The following DNAH9 variants were observed in gnomAD, a reference collection of about 807,000 sequenced individuals.
The protein encoded by DNAH9 is dynein axonemal heavy chain 9.
Under a neutral mutation model 471.6 loss-of-function variants are expected in DNAH9, and 345 were observed. That is an observed-to-expected ratio of 0.73 (90% CI 0.67 to 0.80). The LOEUF (loss-of-function observed/expected upper bound fraction) is 0.80, where lower values mean the gene tolerates loss of function less well. DNAH9 is among the 30% of genes least tolerant of loss of function. The pLI, the probability that DNAH9 is intolerant of heterozygous loss-of-function variation, is 0.00. For synonymous variants in DNAH9, 2,093 were observed against 2,123.6 expected (o/e 0.99, Z 0.40); for missense variants, 5,407 against 5,609.2 (o/e 0.96, Z 1.15).
intron 26 of DNAH9, among the ~76,000 whole-genome samples, chr17:11,718,776 A>C (rs2075007335): frequency 6.6e-6 from 1 of 152,208 alleles, no homozygotes; most frequent in East Asian, 1.9e-4. Context: ...GATATATACA[A>C]CATATGTCAC....
intron 49 of DNAH9, among the ~76,000 whole-genome samples, chr17:11,849,543 G>A (rs1971339572): frequency 6.6e-6 from 1 of 152,190 alleles, no homozygotes; most frequent in Non-Finnish European, 1.5e-5. Context: ...AGCCAAGCTT[G>A]CTTCTGCCAC....
At chr17:11,627,955 A>G (rs898774628) in intron 6 of DNAH9, among the ~76,000 whole-genome samples, 3 of 152,148 alleles carry the variant, frequency 2.0e-5, no homozygotes, top group Non-Finnish European at 4.4e-5. Flanking sequence ...TGGGTCACCC[A>G]TAGCAGCAGC....
chr17:11,798,195 G>A (rs1259631201), intron 43 of DNAH9, among the ~76,000 whole-genome samples: 1 of 152,046 alleles, frequency 6.6e-6, no homozygotes, highest in Non-Finnish European at 1.5e-5. Context: ...GCACTTTGGA[G>A]GCCGAGGCGG....
intron 49 of DNAH9, among the ~76,000 whole-genome samples, chr17:11,841,131 A>T (rs1421728716): frequency 1.3e-5 from 2 of 152,300 alleles, no homozygotes; most frequent in African/African-American, 2.4e-5. Flanking sequence ...GTTTTACTCA[A>T]TGAAATGACT....
intron 17 of DNAH9, among the ~76,000 whole-genome samples, chr17:11,671,247 C>G (rs1294385596): frequency 6.6e-6 from 1 of 152,184 alleles, no homozygotes; most frequent in Non-Finnish European, 1.5e-5. Flanking sequence ...CACAGCAAGG[C>G]TACAGAGCAG....
intron 22 of DNAH9, among the ~76,000 whole-genome samples, chr17:11,695,572 CCTG>C (rs2074461909): frequency 6.6e-6 from 1 of 152,106 alleles, no homozygotes; most frequent in East Asian, 1.9e-4. Context: ...ACAGAAGAAA[CCTG>C]CTGTGTTCGA....
At chr17:11,757,265 C>G (rs569989330) in intron 34 of DNAH9, among the ~76,000 whole-genome samples, 1 of 152,204 alleles carries the variant, frequency 6.6e-6, no homozygotes, top group South Asian at 2.1e-4. Context: ...GTGGCTCACA[C>G]CTATCATCCC....
chr17:11,638,626 C>G (rs920709697), intron 9 of DNAH9, among the ~76,000 whole-genome samples: 11 of 152,244 alleles, frequency 7.2e-5, no homozygotes, highest in Middle Eastern at 3.4e-3. Context: ...ACCTTATGAT[C>G]TGCCTGCCTC....
intron 49 of DNAH9, chr17:11,853,087 C>A (rs976285101): frequency 3.3e-5 from 5 of 151,612 alleles, no homozygotes; most frequent in African/African-American, 4.8e-5. Flanking sequence ...TAGGAGAGAT[C>A]CAAATTCTCT....
chr17:11,742,035 A>T, intron 29 of DNAH9, 140 bp from the exon 30 acceptor site: 1 of 690,280 alleles, frequency 1.4e-6, no homozygotes, highest in Non-Finnish European at 2.5e-6. Flanking sequence ...TAGATGAAAT[A>T]ATGGCTCAGG....
chr17:11,953,326 CT>C (rs1462257411), intron 67 of DNAH9, among the ~76,000 whole-genome samples: 1 of 152,158 alleles, frequency 6.6e-6, no homozygotes, highest in Non-Finnish European at 1.5e-5. Flanking sequence ...CCCTTTTGTG[CT>C]GGTCAGGCCT....
At chr17:11,606,707 T>G (rs988338934) in intron 1 of DNAH9, among the ~76,000 whole-genome samples, 1 of 152,030 alleles carries the variant, frequency 6.6e-6, no homozygotes, top group Admixed American at 6.6e-5. Flanking sequence ...CTCGGTATAC[T>G]GACAAGTTTC....
At chr17:11,917,731 C>T (rs1446397506) in intron 61 of DNAH9, among the ~76,000 whole-genome samples, 3 of 152,148 alleles carry the variant, frequency 2.0e-5, no homozygotes, top group African/African-American at 4.8e-5. Context: ...TTTGAAAAGC[C>T]GAGAGTACAG....
At chr17:11,638,499 C>G (rs2073205283) in intron 9 of DNAH9, among the ~76,000 whole-genome samples, 1 of 152,150 alleles carries the variant, frequency 6.6e-6, no homozygotes. Flanking sequence ...ATTCTCCTGC[C>G]TCAGCTTCCA....
rs1973609717 is a variant in DNAH9, at chr17:11,906,638, A to G, written c.11749+829A>G. On this transcript the variant is annotated intron_variant, in intron 61 of 68. Transcript: ENST00000262442. ...GCAAGACTCTGTCTCAAAAAAAAAAAAAAAAAAAGAAAATGTGATACATAT... is the reference window on the plus strand; with the variant it reads ...GCAAGACTCTGTCTCAAAAAAAAAAGAAAAAAAAGAAAATGTGATACATAT... Among the ~76,000 whole-genome samples the G allele has an allele frequency of 7.9e-5, 12 of 151,622 alleles. No individual in the cohort carries two copies. The South Asian group carries it at 2.5e-3, about 32-fold the overall frequency.
chr17:11,710,392 GA>G (rs1178537418), intron 26 of DNAH9, among the ~76,000 whole-genome samples: 1 of 152,122 alleles, frequency 6.6e-6, no homozygotes, highest in Non-Finnish European at 1.5e-5. Flanking sequence ...TAGATTCCAA[GA>G]AGCAGAATAA....
intron 48 of DNAH9, among the ~76,000 whole-genome samples, chr17:11,823,255 C>T (rs535066336): frequency 5.3e-5 from 8 of 152,032 alleles, no homozygotes; most frequent in Non-Finnish European, 7.4e-5. Context: ...TATCCTTGTC[C>T]ATAGTAACAG....
Position 11,793,648 on chromosome 17 carries a change from T to C in DNAH9, c.8207T>C (p.Leu2736Pro). ...DLFDKIQTEVLKKTFDDIEDP... is the reference protein window; with the variant it reads ...DLFDKIQTEVPKKTFDDIEDP... ...TTTGATAAAATCCAGACAGAAGTGC[T>C]CAAGAAAACTTTTGATGTGAGTATT... Residue 2736 changes from leucine to proline, a missense_variant, in exon 42 of 69, where the codon CTC becomes CCC. Physicochemically the swap from Leu to Pro is moderately conservative, Grantham distance 98 (BLOSUM62 -3). This residue lies in a region of DNAH9 where 4,636 missense variants were observed against 4,900.3 expected (regional missense o/e 0.95). Transcript: ENST00000262442. The C allele has an allele frequency of 6.2e-7, 1 of 1,611,226 alleles. No homozygotes were observed. Among genetic ancestry groups the C allele is most frequent in the Non-Finnish European group, 8.5e-7 (1 of 1,179,238 alleles).
intron 38 of DNAH9, 109 bp downstream of exon 38, chr17:11,769,438 C>A (rs2150878163): frequency 1.1e-6 from 1 of 933,194 alleles, no homozygotes; most frequent in Non-Finnish European, 1.6e-6. Context: ...TCTGCATACC[C>A]CAGCACTGCG....
Sources: allele counts gnomAD v4.1 joint callset (sites outside exome capture counted in the v4.1 genomes callset), GRCh38; gene constraint gnomAD v4.1.1; regional missense constraint gnomAD v4.1.1; transcripts MANE v1.5; gene names NCBI Gene and HGNC (gene_info 2026-07-23, HGNC 2026-07-21).